The following GLI3 variants were observed in gnomAD, a reference collection of about 807,000 sequenced individuals.
GLI3 encodes the protein transcription activator GLI3.
A neutral mutation model predicts 100.8 loss-of-function variants in GLI3; 20 were observed. The observed-to-expected ratio is 0.20, with a 90% CI of 0.14 to 0.29. The LOEUF (loss-of-function observed/expected upper bound fraction) is 0.29. Among genes scored for constraint, GLI3 ranks in the 10% least tolerant of loss-of-function variants. GLI3 has a pLI of 1.00. For missense variants in GLI3, 2,040 were observed against 2,128.5 expected, an observed-to-expected ratio of 0.96 and a Z score of 0.82; for synonymous variants, 938 against 860.5, an observed-to-expected ratio of 1.09 and a Z score of -1.58.
At chr7:42,218,040 G>A (rs915068414) in intron 2 of GLI3, among the ~76,000 whole-genome samples, 2 of 152,158 alleles carry the variant, frequency 1.3e-5, no homozygotes, top group African/African-American at 2.4e-5. Flanking sequence ...CTAGTCCTTC[G>A]TGTTGCCAGA....
intron 1 of GLI3, among the ~76,000 whole-genome samples, chr7:42,224,706 T>C (rs1788551023): frequency 6.6e-6 from 1 of 152,244 alleles, no homozygotes; most frequent in Non-Finnish European, 1.5e-5. Context: ...CAAAGTATTA[T>C]ACAACAGAAA....
At chr7:42,166,313 G>T (rs1237835508) in intron 2 of GLI3, among the ~76,000 whole-genome samples, 1 of 152,186 alleles carries the variant, frequency 6.6e-6, no homozygotes, top group Non-Finnish European at 1.5e-5. Context: ...CACACCATAG[G>T]CACTAGTGAA....
At chr7:41,985,188 G>C (rs917354148) in intron 10 of GLI3, among the ~76,000 whole-genome samples, 2 of 152,128 alleles carry the variant, frequency 1.3e-5, no homozygotes, top group Non-Finnish European at 2.9e-5. Flanking sequence ...CATTTGTTGC[G>C]GTGATTATAT....
At chr7:42,246,805 C>CTTTTTT (rs71006467) in intron 1 of GLI3, among the ~76,000 whole-genome samples, 1,614 of 94,750 alleles carry the variant, frequency 0.017, 211 homozygotes, top group Non-Finnish European at 0.026. Flanking sequence ...ATGATAGAAT[C>CTTTTTT]TTTTTTTTTT....
chr7:42,105,746 G>A (rs925390795), intron 3 of GLI3, among the ~76,000 whole-genome samples: 10 of 152,092 alleles, frequency 6.6e-5, no homozygotes, highest in African/African-American at 1.9e-4. Flanking sequence ...TGTGTGTCCA[G>A]TGCTAGCCTC....
intron 4 of GLI3, among the ~76,000 whole-genome samples, chr7:42,068,847 A>G (rs1562713027): frequency 6.6e-6 from 1 of 152,240 alleles, no homozygotes; most frequent in African/African-American, 2.4e-5. Context: ...AGTATTCACC[A>G]TATAAACCTA....
intron 2 of GLI3, among the ~76,000 whole-genome samples, chr7:42,178,380 C>T (rs769600118): frequency 3.9e-4 from 59 of 152,178 alleles, no homozygotes; most frequent in African/African-American, 7.0e-4. Flanking sequence ...CGGGCAATGA[C>T]CAGGACGGCA....
At chr7:42,150,225 A>T (rs1341762251) in intron 2 of GLI3, 5 of 152,196 alleles carry the variant, frequency 3.3e-5, no homozygotes. Context: ...CTGTAATCTC[A>T]CATGTTCACA....
chr7:42,248,451 T>C (rs901708932), intron 1 of GLI3, among the ~76,000 whole-genome samples: 4 of 152,222 alleles, frequency 2.6e-5, no homozygotes, highest in Non-Finnish European at 2.9e-5. Context: ...ATTTTATTAC[T>C]ACCAGGGACC....
At chr7:42,087,715 T>TA in intron 3 of GLI3, among the ~76,000 whole-genome samples, 1 of 25,472 alleles carries the variant, frequency 3.9e-5, no homozygotes, top group Admixed American at 6.1e-4. Context: ...CACCACCTAC[T>TA]TTTTTTTTTT....
chr7:42,114,751 G>A (rs1024447371), intron 3 of GLI3, among the ~76,000 whole-genome samples: 5 of 152,136 alleles, frequency 3.3e-5, no homozygotes, highest in Admixed American at 2.0e-4. Flanking sequence ...ACCCAGGCTG[G>A]AGTGCAGTGG....
chr7:42,212,819 CT>C (rs1275977755), intron 2 of GLI3, among the ~76,000 whole-genome samples: 1 of 152,236 alleles, frequency 6.6e-6, no homozygotes, highest in Non-Finnish European at 1.5e-5. Flanking sequence ...ATACAATTCA[CT>C]GTGAAACATG....
chr7:42,148,475 AAAG>A lies in GLI3; in HGVS notation c.125-10_125-8del. 1 of 1,612,924 alleles carries A rather than the reference AAAG, an allele frequency of 6.2e-7. No homozygotes were observed. The highest frequency in any genetic ancestry group is 8.5e-7 in the Non-Finnish European group (1 of 1,178,952). On this transcript the variant is annotated splice_polypyrimidine_tract_variant and splice_region_variant and intron_variant, in intron 2 of 14. Coordinates refer to ENST00000395925, the MANE Select transcript of GLI3 (RefSeq NM_000168.6). ...TGTCCAGGACTTTCATCCTCTAAAGAAAGAAGAAAAATGAAAGACTCTGTAAAC... is the reference window on the plus strand; with the variant it reads ...TGTCCAGGACTTTCATCCTCTAAAGAAAGAAAAATGAAAGACTCTGTAAAC...
chr7:42,023,716 G>A (rs1327944418), intron 9 of GLI3, 108 bp from the exon 10 acceptor site: 1 of 1,010,612 alleles, frequency 9.9e-7, no homozygotes, highest in Non-Finnish European at 1.6e-6. Flanking sequence ...TTTGGGTCTA[G>A]GGTTTTGTGA....
At chr7:42,018,237 G>T (rs1788826145) in intron 10 of GLI3, among the ~76,000 whole-genome samples, 1 of 152,182 alleles carries the variant, frequency 6.6e-6, no homozygotes, top group African/African-American at 2.4e-5. Flanking sequence ...GAAGTTTGTA[G>T]TTCTTAGTCT....
intron 10 of GLI3, among the ~76,000 whole-genome samples, chr7:42,009,954 TC>T (rs1342000409): frequency 6.6e-6 from 1 of 152,222 alleles, no homozygotes; most frequent in Non-Finnish European, 1.5e-5. Context: ...TGTCACTAGT[TC>T]TTTCTTATTT....
intron 4 of GLI3, among the ~76,000 whole-genome samples, chr7:42,056,524 T>C (rs1380891163): frequency 2.0e-5 from 3 of 152,244 alleles, no homozygotes; most frequent in Non-Finnish European, 4.4e-5. Flanking sequence ...GCTTAACGTA[T>C]GCATTAATGC....
chr7:42,049,112 A>G (rs1034688298), intron 4 of GLI3, among the ~76,000 whole-genome samples: 5 of 152,214 alleles, frequency 3.3e-5, no homozygotes, highest in African/African-American at 1.2e-4. Context: ...TAAAAATAAG[A>G]AAGAAAAGAA....
rs770587326 is a variant in GLI3, at chr7:41,964,395, C to T, written c.4678G>A (p.Gly1560Arg). 3 of 1,614,084 alleles carry T rather than the reference C, an allele frequency of 1.9e-6. No individual in the cohort carries two copies. The highest frequency in any genetic ancestry group is 1.7e-6 in the Non-Finnish European group (2 of 1,179,916). Residue 1560 changes from glycine (G) to arginine (R), a missense_variant, in exon 15 of 15, where the codon GGG (glycine) becomes AGG (arginine). Gly to Arg is a moderately radical substitution (Grantham distance 125). This residue lies in a region of GLI3 where 1,041 missense variants were observed against 924.0 expected (regional missense o/e 1.13). Transcript: ENST00000395925. ...GAGGTCAGCAAAGAACTCATGTCCC[C>T]GATAGCCATGTTGGTGGTGCTCATG... is the stretch of plus-strand genomic sequence containing the variant. Reference protein sequence around the residue: ...LSMSTTNMAIGDMSSLLTSLA... With the variant: ...LSMSTTNMAIRDMSSLLTSLA...
Sources: allele counts gnomAD v4.1 joint callset (sites outside exome capture counted in the v4.1 genomes callset), GRCh38; gene constraint gnomAD v4.1.1; regional missense constraint gnomAD v4.1.1; transcripts MANE v1.5; gene names NCBI Gene and HGNC (gene_info 2026-07-23, HGNC 2026-07-21).